RIC3: variants seen among roughly 807,000 people sequenced by gnomAD.
The protein encoded by RIC3 is protein RIC-3.
Under a neutral mutation model 27.3 loss-of-function variants are expected in RIC3, and 28 were observed. The observed-to-expected ratio is 1.02, with a 90% CI of 0.76 to 1.41. RIC3 has a LOEUF of 1.41. Among genes scored for constraint, RIC3 ranks in the 40% most tolerant of loss-of-function variants. The pLI is 0.00. For missense variants in RIC3, 501 were observed against 444.7 expected (o/e 1.13, Z -1.14); for synonymous variants, 184 against 160.4 (o/e 1.15, Z -1.11).
At chr11:8,100,260 G>A in the RIC3 span, among the ~76,000 whole-genome samples, 1 of 151,152 alleles carries the variant, frequency 6.6e-6, no homozygotes, top group Non-Finnish European at 1.5e-5. Flanking sequence ...GTAGTTTGCC[G>A]GAGCGAGTGG....
intron 1 of RIC3, among the ~76,000 whole-genome samples, chr11:8,154,999 G>A (rs1192955271): frequency 6.6e-6 from 1 of 152,054 alleles, no homozygotes; most frequent in African/African-American, 2.4e-5. Flanking sequence ...TGGGAAAACT[G>A]CTTGAGCCCA....
intron 4 of RIC3, among the ~76,000 whole-genome samples, chr11:8,131,107 TTCAC>T (rs3060959): frequency 0.29 from 43,435 of 149,360 alleles, 6,387 homozygotes; most frequent in East Asian, 0.44. Flanking sequence ...CATTCATTCA[TTCAC>T]TCACTCACTC....
At chr11:8,132,361 G>C (rs535231212) in intron 4 of RIC3, among the ~76,000 whole-genome samples, 2 of 152,192 alleles carry the variant, frequency 1.3e-5, no homozygotes, top group East Asian at 3.9e-4. Context: ...ACAGCAAATC[G>C]TTACATTCCT....
chr11:8,159,841 A>C (rs955960639), intron 1 of RIC3, among the ~76,000 whole-genome samples: 16 of 152,074 alleles, frequency 1.1e-4, no homozygotes, highest in African/African-American at 3.4e-4. Context: ...AAATACAAAA[A>C]AAATTAGCCA....
chr11:8,100,639 T>C, the RIC3 span: 10 of 1,593,778 alleles, frequency 6.3e-6, no homozygotes, highest in South Asian at 1.1e-5. Flanking sequence ...TTCCCCATCA[T>C]CCTAGTCTCT....
chr11:8,100,492 C>T, the RIC3 span: 1 of 1,613,010 alleles, frequency 6.2e-7, no homozygotes, highest in Non-Finnish European at 8.5e-7. Flanking sequence ...GTGTTGCGTT[C>T]TCTTTCCCAG....
At chr11:8,163,258 A>G (rs567958629) in intron 1 of RIC3, among the ~76,000 whole-genome samples, 1 of 152,190 alleles carries the variant, frequency 6.6e-6, no homozygotes, top group South Asian at 2.1e-4. Context: ...TCATAATGAA[A>G]AACACTCAGC....
At chr11:8,099,218 T>G in the RIC3 span, among the ~76,000 whole-genome samples, 170 of 152,244 alleles carry the variant, frequency 1.1e-3, 2 homozygotes, top group Non-Finnish European at 1.8e-3. Flanking sequence ...AGGTTCTACA[T>G]GGATTACACG....
Position 8,110,797 on chromosome 11 carries a change from CTCT to C in RIC3, c.1008_1010del (p.Glu337del). 1 of 1,614,210 alleles carries C rather than the reference CTCT, an allele frequency of 6.2e-7. No individual in the cohort carries two copies. The highest frequency in any genetic ancestry group is 8.5e-7 in the Non-Finnish European group (1 of 1,180,046). The stretch of plus-strand genomic sequence containing the variant: ...CTTCATCTTTAAAGTCTTGGGACCA[CTCT>C]TCTTTGGTGGTTTCCTCTTGCTCAG... On this transcript the variant is annotated inframe_deletion, in exon 6 of 6. Coordinates refer to ENST00000309737, the MANE Select transcript of RIC3 (RefSeq NM_001206671.4).
intron 1 of RIC3, among the ~76,000 whole-genome samples, chr11:8,155,183 C>T (rs1480339695): frequency 2.0e-5 from 3 of 147,798 alleles, no homozygotes; most frequent in Admixed American, 6.8e-5. Context: ...ATCACACCAC[C>T]GCGTGATCAG....
the RIC3 span, among the ~76,000 whole-genome samples, chr11:8,099,657 C>T: frequency 2.6e-5 from 4 of 152,182 alleles, no homozygotes; most frequent in African/African-American, 9.7e-5. Flanking sequence ...TGAAACAGAT[C>T]TATCAGTGAA....
At chr11:8,113,023 T>A (rs942401396) in intron 5 of RIC3, among the ~76,000 whole-genome samples, 7 of 152,254 alleles carry the variant, frequency 4.6e-5, no homozygotes, top group African/African-American at 1.7e-4. Flanking sequence ...GTCCATCTTA[T>A]GACACCCTCA....
chr11:8,095,421 C>T, the RIC3 span: 2 of 1,467,552 alleles, frequency 1.4e-6, no homozygotes, highest in Non-Finnish European at 1.8e-6. Context: ...TTCCCTCATC[C>T]CCTTCATGGA....
At chr11:8,168,763 A>T (rs1951992755) in intron 1 of RIC3, 103 bp downstream of exon 1, 1 of 1,462,632 alleles carries the variant, frequency 6.8e-7, no homozygotes, top group Non-Finnish European at 9.1e-7. Flanking sequence ...TTTGGTGGAT[A>T]TTTCGGTGAA....
chr11:8,104,136 C>G (rs551913224), downstream of RIC3: 9 of 152,412 alleles, frequency 5.9e-5, no homozygotes, highest in Admixed American at 4.6e-4. Context: ...CTAGAAACCA[C>G]CTGGGTTCAG....
At chr11:8,111,215 G>T in intron 5 of RIC3, 78 bp from the exon 6 acceptor site, 1 of 1,054,890 alleles carries the variant, frequency 9.5e-7, no homozygotes, top group Non-Finnish European at 1.4e-6. Flanking sequence ...GTTCAAAGAG[G>T]ATTCTCAGGC....
intron 1 of RIC3, among the ~76,000 whole-genome samples, 196 bp from the exon 2 acceptor site, chr11:8,140,389 C>T (rs892626747): frequency 1.3e-5 from 2 of 152,134 alleles, no homozygotes; most frequent in African/African-American, 4.8e-5. Context: ...TCACCAAACC[C>T]ATTTTCTCTT....
intron 1 of RIC3, among the ~76,000 whole-genome samples, chr11:8,167,681 T>A (rs73411671): frequency 1.0e-3 from 159 of 151,616 alleles, no homozygotes; most frequent in African/African-American, 3.7e-3. Flanking sequence ...TCTTCACTGT[T>A]CAGGATCATC....
intron 1 of RIC3, among the ~76,000 whole-genome samples, chr11:8,158,740 T>C (rs1012896831): frequency 3.2e-5 from 4 of 126,568 alleles, no homozygotes; most frequent in African/African-American, 9.5e-5. Flanking sequence ...TTTTTGTTTG[T>C]TTTTTGTTTT....
Sources: allele counts gnomAD v4.1 joint callset (sites outside exome capture counted in the v4.1 genomes callset), GRCh38; gene constraint gnomAD v4.1.1; transcripts MANE v1.5; gene names NCBI Gene and HGNC (gene_info 2026-07-23, HGNC 2026-07-21).